Variants in TESK2 observed in about 807,000 individuals in gnomAD.
The protein encoded by TESK2 is testis associated actin remodelling kinase 2, also known as dual specificity testis-specific protein kinase 2.
Under a neutral mutation model 57.1 loss-of-function variants are expected in TESK2, and 39 were observed. That is an observed-to-expected ratio of 0.68 (90% CI 0.53 to 0.89). TESK2 has a LOEUF of 0.89. TESK2 is among the 40% of genes least tolerant of loss of function. The pLI is 0.00. For synonymous variants in TESK2, 249 were observed against 267.9 expected (o/e 0.93, Z 0.69); for missense variants, 646 against 732.1 (o/e 0.88, Z 1.36).
At chr1:45,481,503 CAT>C (rs1365023474) in intron 1 of TESK2, among the ~76,000 whole-genome samples, 2 of 152,230 alleles carry the variant, frequency 1.3e-5, no homozygotes, top group African/African-American at 2.4e-5. Flanking sequence ...CAGGTCCACT[CAT>C]GTGCTGTAGT....
chr1:45,485,017 C>T (rs572771777), intron 1 of TESK2, among the ~76,000 whole-genome samples: 10 of 149,856 alleles, frequency 6.7e-5, no homozygotes, highest in African/African-American at 2.5e-4. Context: ...GGCAACAGAG[C>T]GAGACTCCGT....
intron 3 of TESK2, among the ~76,000 whole-genome samples, chr1:45,390,062 C>T (rs12406007): frequency 6.6e-6 from 1 of 152,258 alleles, no homozygotes; most frequent in East Asian, 1.9e-4. Context: ...GAGCCTTATT[C>T]TTCATCCACC....
intron 1 of TESK2, among the ~76,000 whole-genome samples, chr1:45,461,475 G>A (rs934918045): frequency 6.6e-6 from 1 of 152,096 alleles, no homozygotes; most frequent in Non-Finnish European, 1.5e-5. Flanking sequence ...ACCAGAACTG[G>A]AACCAAGTTC....
chr1:45,473,390 C>T (rs1570766170), intron 1 of TESK2, among the ~76,000 whole-genome samples: 1 of 152,054 alleles, frequency 6.6e-6, no homozygotes, highest in Non-Finnish European at 1.5e-5. Context: ...AAGTATATTG[C>T]CATTGATAGT....
chr1:45,414,755 G>C (rs781229), intron 3 of TESK2, among the ~76,000 whole-genome samples: 140,069 of 152,182 alleles, frequency 0.92, 65,644 homozygotes, highest in East Asian at 1. Flanking sequence ...TAAATTTAAA[G>C]CAATCCAAAT....
intron 4 of TESK2, among the ~76,000 whole-genome samples, chr1:45,382,686 C>T (rs1648712496): frequency 6.6e-6 from 1 of 152,148 alleles, no homozygotes; most frequent in African/African-American, 2.4e-5. Context: ...GCCTGACCAA[C>T]ATGGAGAAAC....
At chr1:45,427,807 C>T (rs553970655) in intron 2 of TESK2, among the ~76,000 whole-genome samples, 1 of 151,870 alleles carries the variant, frequency 6.6e-6, no homozygotes, top group Admixed American at 6.6e-5. Flanking sequence ...TTAATGGGTA[C>T]AAAAATATAG....
At chr1:45,453,388 C>T (rs1165014202) in intron 2 of TESK2, among the ~76,000 whole-genome samples, 2 of 149,730 alleles carry the variant, frequency 1.3e-5, no homozygotes, top group African/African-American at 4.9e-5. Flanking sequence ...TAAACCCTCT[C>T]TAACATGGTT....
chr1:45,431,305 C>T (rs1288096521), intron 2 of TESK2, among the ~76,000 whole-genome samples: 1 of 152,098 alleles, frequency 6.6e-6, no homozygotes, highest in Non-Finnish European at 1.5e-5. Context: ...GTAGTCCCAG[C>T]TACTCAGGAG....
At chr1:45,445,107 C>T (rs543818875) in intron 2 of TESK2, among the ~76,000 whole-genome samples, 41 of 152,184 alleles carry the variant, frequency 2.7e-4, no homozygotes, top group African/African-American at 7.7e-4. Context: ...CAACCTATAA[C>T]GAGAAACCAG....
At chr1:45,386,449 G>A (rs898202513) in intron 3 of TESK2, among the ~76,000 whole-genome samples, 1 of 151,276 alleles carries the variant, frequency 6.6e-6, no homozygotes, top group East Asian at 1.9e-4. Context: ...AAGGGAAAGG[G>A]AAAGGAAAGG....
intron 3 of TESK2, among the ~76,000 whole-genome samples, chr1:45,400,834 C>T (rs937924661): frequency 2.0e-5 from 3 of 151,350 alleles, no homozygotes; most frequent in Admixed American, 2.0e-4. Flanking sequence ...CCAGCCTGGC[C>T]AACATGATGA....
intron 4 of TESK2, among the ~76,000 whole-genome samples, chr1:45,366,292 T>G (rs951767884): frequency 2.0e-5 from 3 of 151,800 alleles, no homozygotes; most frequent in African/African-American, 7.3e-5. Context: ...TTCAACATGT[T>G]GGCCAGCTGG....
intron 2 of TESK2, among the ~76,000 whole-genome samples, chr1:45,424,193 C>T (rs1359992452): frequency 6.6e-6 from 1 of 152,162 alleles, no homozygotes; most frequent in Non-Finnish European, 1.5e-5. Flanking sequence ...CTTCAATATC[C>T]AAAAACTCCT....
chr1:45,426,995 C>T (rs1177348368), intron 2 of TESK2, among the ~76,000 whole-genome samples: 1 of 152,124 alleles, frequency 6.6e-6, no homozygotes, highest in Admixed American at 6.5e-5. Context: ...GTAATCCTAG[C>T]ACTTTTGAGA....
At chr1:45,489,542 C>A (rs1279067952) in intron 1 of TESK2, among the ~76,000 whole-genome samples, 2 of 152,248 alleles carry the variant, frequency 1.3e-5, no homozygotes, top group South Asian at 4.1e-4. Context: ...GTAATCCCAG[C>A]ACTGTGGGAG....
chr1:45,474,542 A>G (rs745639441), intron 1 of TESK2, among the ~76,000 whole-genome samples: 26 of 152,008 alleles, frequency 1.7e-4, no homozygotes, highest in Non-Finnish European at 2.8e-4. Context: ...GTATGATCTC[A>G]GCTCAGTGCA....
intron 2 of TESK2, among the ~76,000 whole-genome samples, chr1:45,451,638 A>T (rs373050413): frequency 6.6e-6 from 1 of 152,148 alleles, no homozygotes; most frequent in Non-Finnish European, 1.5e-5. Flanking sequence ...TGAACCAGAG[A>T]TATCACTCTT....
intron 1 of TESK2, among the ~76,000 whole-genome samples, chr1:45,471,495 T>A (rs1338733445): frequency 6.6e-6 from 1 of 151,798 alleles, no homozygotes; most frequent in East Asian, 2.0e-4. Context: ...AACCTCTGCC[T>A]CCCGGGTTCA....
Sources: allele counts gnomAD v4.1 joint callset (sites outside exome capture counted in the v4.1 genomes callset), GRCh38; gene constraint gnomAD v4.1.1; transcripts MANE v1.5; gene names NCBI Gene and HGNC (gene_info 2026-07-23, HGNC 2026-07-21).